The following LINC00305 variants were observed in gnomAD, a reference collection of about 807,000 sequenced individuals.
The protein encoded by LINC00305 is long independently transcribed non-coding RNA 305.
At chr18:64,109,654 A>G (rs890606438) in intron 1 of LINC00305, among the ~76,000 whole-genome samples, 3 of 152,162 alleles carry the variant, frequency 2.0e-5, no homozygotes, top group Non-Finnish European at 4.4e-5. Context: ...CTATTACTTC[A>G]TTAATCTTAA....
chr18:64,106,821 C>T (rs2051292859), intron 1 of LINC00305, among the ~76,000 whole-genome samples: 1 of 152,142 alleles, frequency 6.6e-6, no homozygotes, highest in South Asian at 2.1e-4. Context: ...AACTTTGTTT[C>T]ATTCTTTGTG....
At chr18:64,116,972 C>G (rs551027217) in intron 1 of LINC00305, among the ~76,000 whole-genome samples, 3 of 152,170 alleles carry the variant, frequency 2.0e-5, no homozygotes, top group African/African-American at 7.2e-5. Context: ...ATTCACACAA[C>G]GGCATTTTTA....
chr18:64,116,506 T>C (rs1321406623), intron 1 of LINC00305, among the ~76,000 whole-genome samples: 1 of 152,244 alleles, frequency 6.6e-6, no homozygotes, highest in East Asian at 1.9e-4. Context: ...TTAGTTCACA[T>C]GCAGTTTTAT....
intron 3 of LINC00305, among the ~76,000 whole-genome samples, chr18:64,081,918 A>C (rs903625761): frequency 6.6e-6 from 1 of 152,192 alleles, no homozygotes; most frequent in African/African-American, 2.4e-5. Flanking sequence ...AAACAAATGA[A>C]AAAACAGCAT....
chr18:64,089,011 C>T (rs953959734), intron 3 of LINC00305, among the ~76,000 whole-genome samples: 1 of 152,128 alleles, frequency 6.6e-6, no homozygotes, highest in Non-Finnish European at 1.5e-5. Context: ...GAGCTATGAT[C>T]ACAGAAGGAT....
At chr18:64,086,746 G>A (rs971282569) in intron 3 of LINC00305, among the ~76,000 whole-genome samples, 3 of 152,210 alleles carry the variant, frequency 2.0e-5, no homozygotes, top group African/African-American at 7.2e-5. Context: ...CCCTTGCTCT[G>A]TTAGGAAGCT....
intron 1 of LINC00305, among the ~76,000 whole-genome samples, chr18:64,108,959 C>A (rs62101858): frequency 0.014 from 2,073 of 152,260 alleles, 45 homozygotes; most frequent in East Asian, 0.11. Flanking sequence ...ACTTTTATTT[C>A]TTTTCCCATT....
At chr18:64,128,962 C>T (rs1450860153) in intron 1 of LINC00305, among the ~76,000 whole-genome samples, 3 of 152,176 alleles carry the variant, frequency 2.0e-5, no homozygotes, top group Middle Eastern at 3.4e-3. Context: ...GTCTTTTACA[C>T]GGGATCAATT....
chr18:64,124,037 A>C (rs982380994), intron 1 of LINC00305, among the ~76,000 whole-genome samples: 1 of 152,088 alleles, frequency 6.6e-6, no homozygotes, highest in South Asian at 2.1e-4. Context: ...TCCAGTCACC[A>C]GAATCATGAG....
intron 3 of LINC00305, among the ~76,000 whole-genome samples, chr18:64,093,598 TGCTGG>T (rs1388057422): frequency 1.3e-5 from 2 of 152,212 alleles, no homozygotes; most frequent in African/African-American, 4.8e-5. Flanking sequence ...CCTCCCAAAG[TGCTGG>T]GATCACAGGC....
At chr18:64,115,685 G>A (rs535561599) in intron 1 of LINC00305, among the ~76,000 whole-genome samples, 2 of 152,106 alleles carry the variant, frequency 1.3e-5, no homozygotes, top group Non-Finnish European at 1.5e-5. Context: ...AACTTTAGAC[G>A]GTTCTTCAAG....
chr18:64,123,301 G>A (rs2051370240), intron 1 of LINC00305, among the ~76,000 whole-genome samples: 3 of 151,966 alleles, frequency 2.0e-5, no homozygotes, highest in Admixed American at 2.0e-4. Context: ...CATCTGGATT[G>A]TAGTCATAGC....
At chr18:64,100,254 G>A (rs1039810955) in intron 1 of LINC00305, among the ~76,000 whole-genome samples, 16 of 152,036 alleles carry the variant, frequency 1.1e-4, no homozygotes, top group Non-Finnish European at 1.8e-4. Context: ...AGTTTGCTCT[G>A]TGTGATTCTT....
chr18:64,092,592 A>T (rs1263712746), intron 3 of LINC00305, among the ~76,000 whole-genome samples: 1 of 152,080 alleles, frequency 6.6e-6, no homozygotes, highest in South Asian at 2.1e-4. Context: ...TTTGCTGACT[A>T]ATCTGATTCT....
intron 1 of LINC00305, among the ~76,000 whole-genome samples, chr18:64,139,977 C>T (rs2144277164): frequency 6.6e-6 from 1 of 152,210 alleles, no homozygotes; most frequent in South Asian, 2.1e-4. Flanking sequence ...TCATGCTGTT[C>T]CAGTGACACT....
rs1381956522 is a variant in LINC00305 at position 64,143,543 on chromosome 18, GTACACATATTATGTGTACATATA to G, written n.314+5209_314+5231del. 2.2e-4 allele frequency among the ~76,000 whole-genome samples: 26 copies of G among 118,930 alleles called. 1 individual carries two copies. Among genetic ancestry groups the G allele is most frequent in the Non-Finnish European group, 3.2e-4 (18 of 56,798 alleles). 78.0% of individuals were successfully genotyped at this position (118,930 alleles called of 152,430 possible). A position where few individuals can be genotyped will look rare whatever the true frequency, so the allele number is the denominator to read the frequency against. ...ATACATATTATGTGTACATATATATGTACACATATTATGTGTACATATATACACATATGTATATGTACATATGT... is the reference window on the plus strand; with the variant it reads ...ATACATATTATGTGTACATATATATGTACACATATGTATATGTACATATGT... On this transcript the variant is annotated intron_variant and non_coding_transcript_variant, in intron 1 of 3. Transcript: ENST00000666468.
At chr18:64,121,126 A>G (rs1487032923) in intron 1 of LINC00305, among the ~76,000 whole-genome samples, 5 of 152,156 alleles carry the variant, frequency 3.3e-5, no homozygotes, top group Non-Finnish European at 1.5e-5. Flanking sequence ...ATTACTTTGA[A>G]TAGCTGTGTG....
At chr18:64,142,444 C>T (rs1452174056) in intron 1 of LINC00305, among the ~76,000 whole-genome samples, 2 of 152,152 alleles carry the variant, frequency 1.3e-5, no homozygotes, top group African/African-American at 4.8e-5. Flanking sequence ...TTGTGAGCCT[C>T]TTGGCACAAG....
chr18:64,084,366 T>G (rs1367995676), intron 3 of LINC00305, among the ~76,000 whole-genome samples: 2 of 152,110 alleles, frequency 1.3e-5, no homozygotes, highest in Admixed American at 1.3e-4. Context: ...CAAAATAGTT[T>G]GTACAACAAA....
Sources: allele counts gnomAD v4.1 joint callset (sites outside exome capture counted in the v4.1 genomes callset), GRCh38; gene constraint gnomAD v4.1.1; transcripts MANE v1.5; gene names NCBI Gene and HGNC (gene_info 2026-07-23, HGNC 2026-07-21).